Variants in MED12L observed in about 807,000 individuals in gnomAD.
MED12L encodes mediator complex subunit 12L.
MED12L carries 60 observed loss-of-function variants against 281.3 expected under a neutral mutation model. That is an observed-to-expected ratio of 0.21 (90% CI 0.17 to 0.26). The LOEUF (loss-of-function observed/expected upper bound fraction) is 0.26, where lower values mean the gene tolerates loss of function less well. Ranked by LOEUF, MED12L falls within the 10% of genes least tolerant of loss-of-function variation. The pLI is 1.00. For missense variants in MED12L, 2,146 were observed against 2,680.9 expected (o/e 0.80, Z 4.41); for synonymous variants, 974 against 987.2 (o/e 0.99, Z 0.25).
intron 16 of MED12L, chr3:151,248,892 G>A (rs533283405): frequency 2.0e-5 from 3 of 152,280 alleles, no homozygotes; most frequent in South Asian, 2.1e-4. Context: ...TAGGTTCTCT[G>A]TAGGCAAGAT....
At chr3:151,210,754 CTT>C (rs1727036179) in intron 16 of MED12L, among the ~76,000 whole-genome samples, 1 of 152,198 alleles carries the variant, frequency 6.6e-6, no homozygotes, top group South Asian at 2.1e-4. Context: ...AATGGAAAAA[CTT>C]TGTGACTTTT....
intron 11 of MED12L, among the ~76,000 whole-genome samples, chr3:151,175,850 T>G (rs1721975334): frequency 6.6e-6 from 1 of 152,236 alleles, no homozygotes; most frequent in South Asian, 2.1e-4. Context: ...CATCATTAAT[T>G]ATGATTATTT....
Position 151,331,386 on chromosome 3 carries a change from A to C in MED12L, c.2251-18673A>C, listed in dbSNP as rs1295118893. Among the ~76,000 whole-genome samples, 4 of 152,252 alleles carry C rather than the reference A, an allele frequency of 2.6e-5. No individual in the cohort carries two copies. The East Asian group carries it at 7.7e-4, about 29-fold the overall frequency. On this transcript the variant is annotated intron_variant, in intron 16 of 44. Coordinates refer to ENST00000687756, the MANE Select transcript of MED12L (RefSeq NM_001393769.1). ...CCTTTTTCCAATTCTTTCTTTTCTT[A>C]TGACCTTAGGCAAGCTGCTTATGCC... is the stretch of plus-strand genomic sequence containing the variant.
Position 151,390,092 on chromosome 3 carries a change from C to A in MED12L, c.5565C>A (p.Pro1855=), listed in dbSNP as rs768155413. Residue 1855 remains proline, a synonymous_variant, in exon 38 of 45, where the codon CCC becomes CCA. Coordinates refer to ENST00000687756, the MANE Select transcript of MED12L (RefSeq NM_001393769.1). ...GGGGTTACAACCTCGTGGGCCAGCCCCAGCAGCCCGGCTTTTTCCTTCAGA... is the reference window on the plus strand; with the variant it reads ...GGGGTTACAACCTCGTGGGCCAGCCACAGCAGCCCGGCTTTTTCCTTCAGA... ...TLWGYNLVGQ[P]QQPGFFLQNQ... is the part of the protein sequence containing the mutation. The A allele has an allele frequency of 6.2e-6, 10 of 1,614,104 alleles. No individual in the cohort carries two copies. The highest frequency in any genetic ancestry group is 7.6e-6 in the Non-Finnish European group (9 of 1,179,966).
chr3:151,096,429 C>T (rs976751833), intron 2 of MED12L, among the ~76,000 whole-genome samples: 17 of 143,694 alleles, frequency 1.2e-4, no homozygotes, highest in African/African-American at 4.0e-4. Context: ...TCCAGGAACT[C>T]TCCTGCTCTT....
intron 16 of MED12L, among the ~76,000 whole-genome samples, chr3:151,300,961 GA>G (rs1325351316): frequency 6.6e-6 from 1 of 152,060 alleles, no homozygotes; most frequent in Non-Finnish European, 1.5e-5. Flanking sequence ...GTAGTAGATG[GA>G]AAAAATGGTT....
chr3:151,129,757 A>T, intron 5 of MED12L, among the ~76,000 whole-genome samples: 1 of 147,624 alleles, frequency 6.8e-6, no homozygotes. Flanking sequence ...GTGTATCTCC[A>T]CTGGATTAAC....
chr3:151,130,900 G>T (rs533857995), intron 5 of MED12L, among the ~76,000 whole-genome samples: 1 of 152,194 alleles, frequency 6.6e-6, no homozygotes, highest in South Asian at 2.1e-4. Context: ...TACAACACAG[G>T]CTCCATGAAG....
intron 2 of MED12L, among the ~76,000 whole-genome samples, chr3:151,095,909 C>G (rs1455055785): frequency 6.6e-6 from 1 of 152,088 alleles, no homozygotes; most frequent in Non-Finnish European, 1.5e-5. Context: ...CCTAGTTTCC[C>G]TTGCATGTTG....
Position 151,158,695 on chromosome 3 carries a change from A to C in MED12L, c.733A>C (p.Met245Leu). 1 of 1,603,306 alleles carries C rather than the reference A, an allele frequency of 6.2e-7. No individual in the cohort carries two copies. Among genetic ancestry groups the C allele is most frequent in the Non-Finnish European group, 8.5e-7 (1 of 1,172,382 alleles). ...TTTTCTTTGTTCATTTAAGGAAGGA[A>C]TGTTAGAAAAACACGAATATTTGAC... ...KLAFHMFQEG[M>L]LEKHEYLTWI... is the part of the protein sequence containing the mutation. Residue 245 changes from methionine to leucine, a missense_variant, in exon 7 of 45, where the codon ATG becomes CTG. Physicochemically the swap from Met to Leu is conservative, Grantham distance 15. Around this residue, in one of 9 missense-constraint regions of MED12L, gnomAD observed 722 missense variants for 861.2 expected, o/e 0.84. Transcript: ENST00000687756.
chr3:151,405,564 G>A (rs1716200587), intron 39 of MED12L, among the ~76,000 whole-genome samples: 1 of 152,122 alleles, frequency 6.6e-6, no homozygotes, highest in Non-Finnish European at 1.5e-5. Flanking sequence ...TTGAGTCCAG[G>A]AATTTGAGGC....
chr3:151,256,812 T>C (rs988559663), intron 16 of MED12L, among the ~76,000 whole-genome samples: 5 of 141,414 alleles, frequency 3.5e-5, no homozygotes, highest in African/African-American at 1.3e-4. Flanking sequence ...ATTAATCCAG[T>C]CTGTTTTTTT....
chr3:151,130,902 T>A (rs982322967), intron 5 of MED12L, among the ~76,000 whole-genome samples: 1 of 152,220 alleles, frequency 6.6e-6, no homozygotes, highest in Non-Finnish European at 1.5e-5. Context: ...CAACACAGGC[T>A]CCATGAAGGA....
chr3:151,151,227 C>T (rs1282076986), intron 5 of MED12L, among the ~76,000 whole-genome samples: 5 of 151,336 alleles, frequency 3.3e-5, no homozygotes, highest in Admixed American at 1.3e-4. Flanking sequence ...TTAGTAGAGA[C>T]GGTGTTTCAC....
Position 151,427,057 on chromosome 3 carries a change from G to C in MED12L, c.6409-3242G>C, listed in dbSNP as rs377666479. On this transcript the variant is annotated intron_variant, in intron 43 of 44. Coordinates refer to ENST00000687756, the MANE Select transcript of MED12L (RefSeq NM_001393769.1). ...GGTCTTGAACTCCCAGGCTCAAGCT[G>C]TCTGCTCGCCTTGGCCTCTCAGGAG... 1.2e-4 allele frequency among the ~76,000 whole-genome samples: 18 copies of C among 152,200 alleles called. No individual in the cohort carries two copies. In the East Asian group the frequency reaches 3.5e-3, roughly 29 times the overall value.
chr3:151,311,072 A>G (rs1255049407), intron 16 of MED12L, among the ~76,000 whole-genome samples: 4 of 152,176 alleles, frequency 2.6e-5, no homozygotes, highest in African/African-American at 9.7e-5. Flanking sequence ...GGTGCCTGCA[A>G]CTTTGAGCAC....
chr3:151,112,240 C>G (rs1712010271), intron 2 of MED12L, among the ~76,000 whole-genome samples: 1 of 151,392 alleles, frequency 6.6e-6, no homozygotes, highest in Admixed American at 6.6e-5. Context: ...CTATGTTGTG[C>G]TAATGCTAGG....
Position 151,326,656 on chromosome 3 carries a change from T to C in MED12L, c.2251-23403T>C, listed in dbSNP as rs771425985. On this transcript the variant is annotated intron_variant, in intron 16 of 44. Coordinates refer to ENST00000687756, the MANE Select transcript of MED12L (RefSeq NM_001393769.1). ...TAGAAATTTATACAAGAGTATAAAG[T>C]TCAAGAGATGGATAAGTAGCTAGGA... 6 of 152,100 alleles carry C rather than the reference T, an allele frequency of 3.9e-5. No homozygotes were observed. The East Asian group carries it at 1.2e-3, about 29-fold the overall frequency. The allele number at this position is 152,100 out of a possible 1,614,324, so 9.4% of individuals were successfully genotyped here.
chr3:151,323,686 TG>T (rs1374809218), intron 16 of MED12L, among the ~76,000 whole-genome samples: 1 of 152,222 alleles, frequency 6.6e-6, no homozygotes, highest in African/African-American at 2.4e-5. Flanking sequence ...ACTTCTGTGG[TG>T]TGTCTCTCAC....
Sources: allele counts gnomAD v4.1 joint callset (sites outside exome capture counted in the v4.1 genomes callset), GRCh38; gene constraint gnomAD v4.1.1; regional missense constraint gnomAD v4.1.1; transcripts MANE v1.5; gene names NCBI Gene and HGNC (gene_info 2026-07-23, HGNC 2026-07-21).